Variants in EHBP1 observed in about 807,000 individuals in gnomAD.
The protein encoded by EHBP1 is EH domain binding protein 1, also known as EH domain-binding protein 1.
Under a neutral mutation model 144.0 loss-of-function variants are expected in EHBP1, and 55 were observed. The ratio of observed to expected loss-of-function variants is 0.38; its 90% CI spans 0.31 to 0.48. The LOEUF is 0.48. Ranked by LOEUF, EHBP1 falls within the 20% of genes least tolerant of loss-of-function variation. The probability of loss-of-function intolerance (pLI) is 0.98; values close to 1 mark genes in which losing one functional copy is unlikely to be tolerated. For synonymous variants in EHBP1, 469 were observed against 472.7 expected (o/e 0.99, Z 0.10); for missense variants, 1,200 against 1,364.2 (o/e 0.88, Z 1.90).
At chr2:62,735,269 AT>A (rs368796577) in intron 2 of EHBP1, among the ~76,000 whole-genome samples, 162 of 142,136 alleles carry the variant, frequency 1.1e-3, no homozygotes, top group Middle Eastern at 0.011. Context: ...TTATACTTCC[AT>A]TTTTTTTTTT....
At chr2:62,754,843 A>C (rs2040122568) in intron 3 of EHBP1, among the ~76,000 whole-genome samples, 1 of 152,202 alleles carries the variant, frequency 6.6e-6, no homozygotes, top group Non-Finnish European at 1.5e-5. Flanking sequence ...GGGAAAGCGC[A>C]GTATGAGGGT....
intron 17 of EHBP1, 21 bp downstream of exon 17, chr2:62,993,689 T>C: frequency 6.7e-7 from 1 of 1,501,866 alleles, no homozygotes; most frequent in Non-Finnish European, 9.0e-7. Context: ...TTTTAAAATG[T>C]TTTTCCATGT....
chr2:62,889,735 T>C (rs1248211822), intron 10 of EHBP1, among the ~76,000 whole-genome samples: 1 of 152,160 alleles, frequency 6.6e-6, no homozygotes, highest in Non-Finnish European at 1.5e-5. Flanking sequence ...CTGGGTCCTC[T>C]ATTTTTGTTC....
chr2:62,987,902 A>G (rs2059263032), intron 15 of EHBP1: 2 of 1,168,272 alleles, frequency 1.7e-6, no homozygotes, highest in Non-Finnish European at 2.5e-6. Context: ...TAAATAATAT[A>G]CTAACATTAT....
At chr2:62,993,714 A>G in intron 17 of EHBP1, 46 bp downstream of exon 17, 1 of 1,162,380 alleles carries the variant, frequency 8.6e-7, no homozygotes, top group Non-Finnish European at 1.2e-6. Context: ...GTTTAACTAT[A>G]TATAGATATC....
chr2:62,832,431 C>CT (rs2046883143), intron 7 of EHBP1, among the ~76,000 whole-genome samples: 6 of 125,276 alleles, frequency 4.8e-5, no homozygotes, highest in Non-Finnish European at 6.9e-5. Flanking sequence ...ATTTTTTTTT[C>CT]TTTTTTCTTT....
At chr2:62,899,279 A>AT (rs2053207024) in intron 10 of EHBP1, among the ~76,000 whole-genome samples, 1 of 152,206 alleles carries the variant, frequency 6.6e-6, no homozygotes, top group Non-Finnish European at 1.5e-5. Context: ...GGAGTAGAAC[A>AT]GTGACATCTG....
intron 10 of EHBP1, among the ~76,000 whole-genome samples, chr2:62,942,413 T>C (rs1249786087): frequency 6.6e-6 from 1 of 152,198 alleles, no homozygotes; most frequent in Non-Finnish European, 1.5e-5. Context: ...TACATAGGTA[T>C]TTAGCCTTAA....
At chr2:62,752,227 C>T (rs2039807661) in intron 3 of EHBP1, among the ~76,000 whole-genome samples, 2 of 152,182 alleles carry the variant, frequency 1.3e-5, no homozygotes, top group South Asian at 4.1e-4. Context: ...TTTCTGCCTT[C>T]ATTTCGTTAC....
At chr2:63,008,576 T>G (rs2060138491) in intron 19 of EHBP1, among the ~76,000 whole-genome samples, 1 of 151,354 alleles carries the variant, frequency 6.6e-6, no homozygotes, top group Non-Finnish European at 1.5e-5. Context: ...TTTTTTTAAT[T>G]TGTAAGGAGC....
At chr2:62,953,678 C>T (rs193083562) in intron 13 of EHBP1, among the ~76,000 whole-genome samples, 472 of 151,460 alleles carry the variant, frequency 3.1e-3, no homozygotes, top group Non-Finnish European at 3.8e-3. Flanking sequence ...TCTCTGGGTA[C>T]CAGGACTACT....
intron 2 of EHBP1, among the ~76,000 whole-genome samples, chr2:62,717,455 G>A (rs922447850): frequency 6.6e-6 from 1 of 152,202 alleles, no homozygotes; most frequent in Admixed American, 6.5e-5. Context: ...CAATAGGGAT[G>A]TTCATATTCT....
chr2:62,727,171 A>G lies in EHBP1; in HGVS notation c.104+19876A>G, dbSNP rs900721708. Among the ~76,000 whole-genome samples the G allele has an allele frequency of 4.6e-5, 7 of 152,208 alleles. No individual in the cohort carries two copies. In the East Asian group the frequency reaches 1.4e-3, roughly 29 times the overall value. ...CCACTGCGCCCGGCCTACAAGAACT[A>G]TTTTTAAAATTATGTCTTCCCCATC... On this transcript the variant is annotated intron_variant, in intron 2 of 22. Transcript: ENST00000431489.
intron 1 of EHBP1, among the ~76,000 whole-genome samples, chr2:62,684,722 T>C (rs1175020788): frequency 6.6e-6 from 1 of 152,186 alleles, no homozygotes; most frequent in Non-Finnish European, 1.5e-5. Context: ...GAAAATTATG[T>C]TCCTATCTTC....
rs538965467 is a variant in EHBP1 at position 62,841,397 on chromosome 2, G to A, written c.634+10239G>A. On this transcript the variant is annotated intron_variant, in intron 7 of 22. Coordinates refer to ENST00000431489, the MANE Select transcript of EHBP1 (RefSeq NM_001142616.3). ...GGAGATATACCTAATGCTAGATGAC[G>A]AGTTAGTGGGTGCAGTGCACCAGCA... is the stretch of plus-strand genomic sequence containing the variant. 8.6e-4 allele frequency among the ~76,000 whole-genome samples: 130 copies of A among 151,190 alleles called. 2 individuals carry two copies. In the East Asian group the frequency reaches 0.012, roughly 14 times the overall value.
chr2:62,919,161 G>C (rs999747997), intron 10 of EHBP1, among the ~76,000 whole-genome samples: 5 of 152,140 alleles, frequency 3.3e-5, no homozygotes, highest in Admixed American at 3.3e-4. Flanking sequence ...ATTGCTGATT[G>C]CTGCCTCTGA....
intron 2 of EHBP1, among the ~76,000 whole-genome samples, chr2:62,738,003 GA>G (rs2038323653): frequency 6.6e-6 from 1 of 152,142 alleles, no homozygotes; most frequent in African/African-American, 2.4e-5. Flanking sequence ...GGCTTCAAGT[GA>G]TCTTCCTGCC....
intron 18 of EHBP1, among the ~76,000 whole-genome samples, chr2:62,994,734 A>G (rs2059564178): frequency 1.3e-5 from 2 of 152,144 alleles, no homozygotes; most frequent in South Asian, 2.1e-4. Context: ...TCCTTATACA[A>G]GTACACTCAG....
chr2:62,912,749 T>G (rs2054327108), intron 10 of EHBP1, among the ~76,000 whole-genome samples: 1 of 152,090 alleles, frequency 6.6e-6, no homozygotes, highest in South Asian at 2.1e-4. Context: ...TTTTGAACAG[T>G]TTTCACTGAT....
Sources: allele counts gnomAD v4.1 joint callset (sites outside exome capture counted in the v4.1 genomes callset), GRCh38; gene constraint gnomAD v4.1.1; transcripts MANE v1.5; gene names NCBI Gene and HGNC (gene_info 2026-07-23, HGNC 2026-07-21).